LRRC55: variants seen among roughly 807,000 people sequenced by gnomAD.
LRRC55 encodes leucine rich repeat containing 55.
In LRRC55, 11 loss-of-function variants were observed where a neutral mutation model predicts 20.5. The observed-to-expected ratio is 0.54, with a 90% confidence interval of 0.34 to 0.89. The LOEUF (loss-of-function observed/expected upper bound fraction) is 0.89. Ranked by LOEUF, LRRC55 falls within the 40% of genes least tolerant of loss-of-function variation. LRRC55 has a pLI of 0.02. For missense variants in LRRC55, 358 were observed against 390.9 expected (o/e 0.92, Z 0.71); for synonymous variants, 188 against 166.6 (o/e 1.13, Z -0.99).
chr11:57,187,223 C>A (rs770738503), intron 1 of LRRC55, 22 bp from the exon 2 acceptor site: 1 of 1,607,156 alleles, frequency 6.2e-7, no homozygotes, highest in Non-Finnish European at 8.5e-7. Context: ...GTACCTCACC[C>A]TCCCTGGCTT....
At chr11:57,185,593 C>A (rs902758534) in intron 1 of LRRC55, among the ~76,000 whole-genome samples, 3 of 151,950 alleles carry the variant, frequency 2.0e-5, no homozygotes, top group South Asian at 2.1e-4. Context: ...CTGGGTTATC[C>A]CCTTCTTATA....
Position 57,182,105 on chromosome 11 carries a change from G to C in LRRC55, c.83G>C (p.Gly28Ala), listed in dbSNP as rs142256723. The change falls in exon 1 of 2, where the codon GGG (glycine) becomes GCG (alanine). Residue 28 changes from glycine (G) to alanine (A), a missense_variant. Coordinates refer to ENST00000497933, the MANE Select transcript of LRRC55 (RefSeq NM_001005210.4). ...MLLISLLLAA[G>A]LMHSDAGTSC... is the part of the protein sequence containing the mutation. ...CTGATCTCCCTCCTCTTGGCAGCCG[G>C]GTTGATGCACTCGGATGCCGGCACC... 2.5e-6 allele frequency: 4 copies of C among 1,614,140 alleles called. No homozygotes were observed. The Middle Eastern group carries it at 6.6e-4, about 266-fold the overall frequency.
In LRRC55 at chr11:57,182,423, A is replaced by G. The variant is rs767165112; in HGVS notation, c.401A>G (p.Gln134Arg). The G allele has an allele frequency of 1.9e-6, 3 of 1,612,996 alleles. No individual in the cohort carries two copies. The Admixed American group carries it at 5.0e-5, about 27-fold the overall frequency. ...NFSHVPADMF[Q>R]EAHGLVHIDL... ...AGCCATGTGCCAGCCGACATGTTCC[A>G]GGAGGCCCATGGGCTAGTCCACATC... Residue 134 changes from glutamine to arginine, a missense_variant, in exon 1 of 2, where the codon CAG (glutamine) becomes CGG (arginine). Physicochemically the swap from Gln to Arg is conservative, Grantham distance 43. Transcript: ENST00000497933.
chr11:57,185,532 G>A (rs938072034), intron 1 of LRRC55, among the ~76,000 whole-genome samples: 5 of 151,744 alleles, frequency 3.3e-5, no homozygotes, highest in Non-Finnish European at 4.4e-5. Context: ...ACCTCCACCC[G>A]CCTTGGCTTC....
chr11:57,187,195 T>A, intron 1 of LRRC55, 50 bp from the exon 2 acceptor site: 1 of 1,538,942 alleles, frequency 6.5e-7, no homozygotes, highest in South Asian at 1.1e-5. Context: ...GACTTTCCAA[T>A]CCCCTCTCCT....
rs1299001863 is a variant in LRRC55, at chr11:57,187,315, G to A, written c.732G>A (p.Glu244=). ...CCCCGCTCTTCTCACTCACTGAGGA[G>A]AGCTTCAAGGCCTGCCACCTGACCC... ...EGAPLFSLTE[E]SFKACHLTLT... Residue 244 remains glutamate, a synonymous_variant, in exon 2 of 2, where the codon GAG becomes GAA. Transcript: ENST00000497933. 6.2e-7 allele frequency: 1 copy of A among 1,614,028 alleles called. No homozygotes were observed. Among genetic ancestry groups the A allele is most frequent in the African/African-American group, 1.3e-5 (1 of 74,916 alleles).
chr11:57,182,282 G>A lies in LRRC55; in HGVS notation c.260G>A (p.Cys87Tyr). 1 of 1,614,180 alleles carries A rather than the reference G, an allele frequency of 6.2e-7. No homozygotes were observed. Among genetic ancestry groups the A allele is most frequent in the Non-Finnish European group, 8.5e-7 (1 of 1,180,018 alleles). The change falls in exon 1 of 2, where the codon TGC becomes TAC. Residue 87 changes from cysteine to tyrosine, a missense_variant. Coordinates refer to ENST00000497933, the MANE Select transcript of LRRC55 (RefSeq NM_001005210.4). Reference sequence around the variant, plus strand: ...GCAGTGCCGCCTGGCTACCTCACATGCTACATGGAGCTCCAGGTGCTGGAT... The same window carrying A: ...GCAGTGCCGCCTGGCTACCTCACATACTACATGGAGCTCCAGGTGCTGGAT... ...ITAVPPGYLT[C>Y]YMELQVLDLH... is the part of the protein sequence containing the mutation.
chr11:57,184,706 T>C (rs1217627646), intron 1 of LRRC55, among the ~76,000 whole-genome samples: 1 of 152,202 alleles, frequency 6.6e-6, no homozygotes, highest in Non-Finnish European at 1.5e-5. Context: ...AAGAGGGCCA[T>C]AATAAGCAAG....
chr11:57,185,363 C>A (rs1226102361), intron 1 of LRRC55, among the ~76,000 whole-genome samples: 1 of 148,396 alleles, frequency 6.7e-6, no homozygotes, highest in African/African-American at 2.5e-5. Context: ...TCACTGCAAC[C>A]TCCACCTCCC....
chr11:57,187,409 A>G lies in LRRC55; in HGVS notation c.826A>G (p.Asn276Asp), dbSNP rs1281936360. The G allele has an allele frequency of 6.2e-7, 1 of 1,614,056 alleles. No homozygotes were observed. Among genetic ancestry groups the G allele is most frequent in the Non-Finnish European group, 8.5e-7 (1 of 1,180,044 alleles). ...GGTCTCCATTGCTTCTGTGGCCACC[A>G]ACTTCCTCCTGGGCATCACTGCCAA... ...FVVSIASVATNFLLGITANCC... is the reference protein window; with the variant it reads ...FVVSIASVATDFLLGITANCC... Residue 276 changes from asparagine to aspartate, a missense_variant, in exon 2 of 2, where the codon AAC (asparagine) becomes GAC (aspartate). Physicochemically the swap from Asn to Asp is conservative, Grantham distance 23. This residue lies in a region of LRRC55 where 178 missense variants were observed against 207.9 expected (regional missense o/e 0.86). Coordinates refer to ENST00000497933, the MANE Select transcript of LRRC55 (RefSeq NM_001005210.4).
chr11:57,182,049 C>T lies in LRRC55; in HGVS notation c.27C>T (p.Pro9=), dbSNP rs1565178738. The T allele has an allele frequency of 6.2e-7, 1 of 1,614,214 alleles. No individual in the cohort carries two copies. The highest frequency in any genetic ancestry group is 8.5e-7 in the Non-Finnish European group (1 of 1,180,036). MGDTWAQL[P]WPGPPHPAML... is the part of the protein sequence containing the mutation. Reference sequence around the variant, plus strand: ...TGGGTGACACTTGGGCCCAGCTTCCCTGGCCCGGGCCACCCCACCCAGCAA... The same window carrying T: ...TGGGTGACACTTGGGCCCAGCTTCCTTGGCCCGGGCCACCCCACCCAGCAA... Residue 9 remains proline, a synonymous_variant, in exon 1 of 2, where the codon CCC becomes CCT. Coordinates refer to ENST00000497933, the MANE Select transcript of LRRC55 (RefSeq NM_001005210.4).
chr11:57,187,215 A>C, intron 1 of LRRC55, 30 bp from the exon 2 acceptor site: 1 of 1,594,800 alleles, frequency 6.3e-7, no homozygotes, highest in Non-Finnish European at 8.6e-7. Context: ...TTCCCTGGGT[A>C]CCTCACCCTC....
At chr11:57,184,954 C>T (rs1169796814) in intron 1 of LRRC55, among the ~76,000 whole-genome samples, 6 of 152,124 alleles carry the variant, frequency 3.9e-5, no homozygotes, top group Admixed American at 6.5e-5. Flanking sequence ...AGAGCTCACG[C>T]GAGTCAAGCC....
chr11:57,182,968 A>C (rs1476446338), intron 1 of LRRC55, among the ~76,000 whole-genome samples: 1 of 152,272 alleles, frequency 6.6e-6, no homozygotes, highest in East Asian at 1.9e-4. Context: ...AGAATAGCCT[A>C]TGGTTGGTGG....
rs181689105 is a variant in LRRC55 at position 57,182,413 on chromosome 11, G to A, written c.391G>A (p.Asp131Asn). 39 of 1,613,094 alleles carry A rather than the reference G, an allele frequency of 2.4e-5. No individual in the cohort carries two copies. Among genetic ancestry groups the A allele is most frequent in the Admixed American group, 1.0e-4 (6 of 60,020 alleles). ...CAACAATTTCAGCCATGTGCCAGCC[G>A]ACATGTTCCAGGAGGCCCATGGGCT... ...SYNNFSHVPA[D>N]MFQEAHGLVH... The change falls in exon 1 of 2, where the codon GAC becomes AAC. Residue 131 changes from aspartate (D) to asparagine (N), a missense_variant. This residue lies in a region of LRRC55 where 5 missense variants were observed against 18.5 expected (regional missense o/e 0.27). Transcript: ENST00000497933.
Position 57,187,650 on chromosome 11 carries a change from C to A in LRRC55, c.*170C>A, listed in dbSNP as rs1300555671. 2.9e-6 allele frequency: 2 copies of A among 680,712 alleles called. No homozygotes were observed. Among genetic ancestry groups the A allele is most frequent in the Non-Finnish European group, 2.6e-6 (1 of 390,708 alleles). 42.2% of individuals were successfully genotyped at this position (680,712 alleles called of 1,614,324 possible). On this transcript the variant is annotated 3_prime_UTR_variant, in exon 2 of 2. Transcript: ENST00000497933. ...AGCATCTGCTTTGGGCCAGGCGGCA[C>A]GCTAGGAATTGGGAACATCAGATGA...
chr11:57,184,078 A>T (rs893438567), intron 1 of LRRC55, among the ~76,000 whole-genome samples: 1 of 152,206 alleles, frequency 6.6e-6, no homozygotes, highest in African/African-American at 2.4e-5. Flanking sequence ...TAGTTTGGGG[A>T]GGGCTGTGGG....
At position 57,182,104 on chromosome 11, in the gene LRRC55, G is replaced by C; in HGVS notation, c.82G>C (p.Gly28Arg). Reference protein sequence around the residue: ...MLLISLLLAAGLMHSDAGTSC... With the variant: ...MLLISLLLAARLMHSDAGTSC... ...GCTGATCTCCCTCCTCTTGGCAGCCGGGTTGATGCACTCGGATGCCGGCAC... is the reference window on the plus strand; with the variant it reads ...GCTGATCTCCCTCCTCTTGGCAGCCCGGTTGATGCACTCGGATGCCGGCAC... Residue 28 changes from glycine to arginine, a missense_variant, in exon 1 of 2, where the codon GGG (glycine) becomes CGG (arginine). Gly to Arg is a moderately radical substitution (Grantham distance 125). This residue lies in a region of LRRC55 where 175 missense variants were observed against 164.5 expected (regional missense o/e 1.06). Transcript: ENST00000497933. 6.2e-7 allele frequency: 1 copy of C among 1,614,118 alleles called. No homozygotes were observed. Among genetic ancestry groups the C allele is most frequent in the South Asian group, 1.1e-5 (1 of 91,076 alleles).
chr11:57,184,698 G>A (rs1565179873), intron 1 of LRRC55, among the ~76,000 whole-genome samples: 1 of 152,180 alleles, frequency 6.6e-6, no homozygotes, highest in Non-Finnish European at 1.5e-5. Flanking sequence ...ATTGAACAAA[G>A]AGGGCCATAA....
Sources: gnomAD v4.1 joint callset for allele counts (sites outside exome capture counted in the v4.1 genomes callset) on GRCh38, gnomAD v4.1.1 for gene constraint, gnomAD v4.1.1 regional missense constraint, MANE v1.5 for transcripts, NCBI Gene and HGNC (gene_info 2026-07-23, HGNC 2026-07-21) for gene names.